SLC25A13: variants seen among roughly 807,000 people sequenced by gnomAD.
SLC25A13 encodes solute carrier family 25 member 13.
In SLC25A13, 70 loss-of-function variants were observed where a neutral mutation model predicts 85.5. The observed-to-expected ratio is 0.82, with a 90% CI of 0.68 to 1.00. The LOEUF is 1.00. Among genes scored for constraint, SLC25A13 ranks in the 50% least tolerant of loss-of-function variants. The pLI, the probability that SLC25A13 is intolerant of heterozygous loss-of-function variation, is 0.00. For missense variants in SLC25A13, 765 were observed against 819.8 expected (o/e 0.93, Z 0.82); for synonymous variants, 259 against 288.7 (o/e 0.90, Z 1.04).
intron 2 of SLC25A13, chr7:96,283,407 G>T (rs1584562333): frequency 7.4e-6 from 3 of 406,630 alleles, no homozygotes; most frequent in East Asian, 1.3e-4. Context: ...TGTTCTGTAG[G>T]CCTTTTAGAA....
intron 4 of SLC25A13, among the ~76,000 whole-genome samples, chr7:96,229,585 T>G (rs1422940070): frequency 6.6e-6 from 1 of 152,164 alleles, no homozygotes; most frequent in Non-Finnish European, 1.5e-5. Context: ...GCATTGCCTT[T>G]ATGAGCTATA....
intron 5 of SLC25A13, among the ~76,000 whole-genome samples, chr7:96,199,989 G>A (rs1562836883): frequency 6.6e-6 from 1 of 151,244 alleles, no homozygotes; most frequent in Non-Finnish European, 1.5e-5. Context: ...AATTTATCAG[G>A]AACAACAACA....
At chr7:96,306,470 T>C (rs1362657997) in intron 1 of SLC25A13, among the ~76,000 whole-genome samples, 1 of 152,252 alleles carries the variant, frequency 6.6e-6, no homozygotes, top group Non-Finnish European at 1.5e-5. Flanking sequence ...TGGCCAGACT[T>C]CTGACCTCTT....
chr7:96,239,061 A>ATG (rs1305455695), intron 3 of SLC25A13, among the ~76,000 whole-genome samples: 7 of 91,266 alleles, frequency 7.7e-5, no homozygotes, highest in African/African-American at 2.0e-4. Context: ...ATATATATAT[A>ATG]TATATATGTA....
intron 3 of SLC25A13, among the ~76,000 whole-genome samples, chr7:96,259,711 T>C (rs1797774333): frequency 6.6e-6 from 1 of 152,198 alleles, no homozygotes; most frequent in South Asian, 2.1e-4. Context: ...ACTGGGTATA[T>C]ACCCAAAGGA....
intron 1 of SLC25A13, among the ~76,000 whole-genome samples, chr7:96,319,556 A>C (rs945316577): frequency 1.3e-5 from 2 of 151,136 alleles, no homozygotes; most frequent in African/African-American, 2.4e-5. Flanking sequence ...AAAAAAAAAA[A>C]AAAAAACTGC....
chr7:96,267,159 T>C (rs1215326543), intron 3 of SLC25A13, among the ~76,000 whole-genome samples: 1 of 152,200 alleles, frequency 6.6e-6, no homozygotes, highest in Admixed American at 6.5e-5. Context: ...TGTTTAAATA[T>C]ATTACCCTAA....
At chr7:96,145,029 T>C (rs1792722801) in intron 14 of SLC25A13, among the ~76,000 whole-genome samples, 1 of 152,166 alleles carries the variant, frequency 6.6e-6, no homozygotes, top group East Asian at 1.9e-4. Context: ...AATTGATCAA[T>C]GCTATGCCTC....
rs1278680282 is a variant in SLC25A13, at chr7:96,120,998, T to C, written c.*193A>G. The C allele has an allele frequency of 9.5e-6, 7 of 738,766 alleles. No individual in the cohort carries two copies. The highest frequency in any genetic ancestry group is 1.6e-5 in the Non-Finnish European group (7 of 424,614). 45.8% of individuals were successfully genotyped at this position (738,766 alleles called of 1,614,324 possible). On this transcript the variant is annotated 3_prime_UTR_variant, in exon 18 of 18. Transcript: ENST00000265631. The stretch of plus-strand genomic sequence containing the variant: ...TTCTGGGCAGAGGGCCAAATAATAA[T>C]TATGAATAATTTCACAATGATCTGG...
chr7:96,208,834 C>A lies in SLC25A13; in HGVS notation c.468+4G>T. 6.2e-7 allele frequency: 1 copy of A among 1,613,820 alleles called. No homozygotes were observed. On this transcript the variant is annotated splice_donor_region_variant and intron_variant, in intron 5 of 17. Coordinates refer to ENST00000265631, the MANE Select transcript of SLC25A13 (RefSeq NM_014251.3). The stretch of plus-strand genomic sequence containing the variant: ...CCTTTTAACTTTTTAAGAGCTAGAC[C>A]CACCAATAAAAACTGAGTAAATTCC...
At chr7:96,126,205 G>A (rs1010501772) in intron 15 of SLC25A13, among the ~76,000 whole-genome samples, 2 of 152,182 alleles carry the variant, frequency 1.3e-5, no homozygotes, top group African/African-American at 4.8e-5. Context: ...CAAGGGGTTA[G>A]GATATGCTGG....
intron 13 of SLC25A13, among the ~76,000 whole-genome samples, chr7:96,155,561 C>A (rs1301828446): frequency 6.6e-6 from 1 of 152,172 alleles, no homozygotes; most frequent in Non-Finnish European, 1.5e-5. Flanking sequence ...CCCATGTCTG[C>A]CCTCTAGATC....
intron 1 of SLC25A13, among the ~76,000 whole-genome samples, chr7:96,307,147 AAAAATAAAG>A (rs1799776758): frequency 6.6e-6 from 1 of 151,848 alleles, no homozygotes; most frequent in Non-Finnish European, 1.5e-5. Flanking sequence ...ATTTAAAAAA[AAAAATAAAG>A]AAAATTAAGA....
intron 13 of SLC25A13, among the ~76,000 whole-genome samples, chr7:96,164,583 T>G (rs1353094822): frequency 6.6e-6 from 1 of 152,204 alleles, no homozygotes; most frequent in Non-Finnish European, 1.5e-5. Flanking sequence ...GATTCACATC[T>G]GGCAGGTGAA....
intron 2 of SLC25A13, chr7:96,283,673 A>G: frequency 3.4e-6 from 1 of 295,762 alleles, no homozygotes; most frequent in Non-Finnish European, 6.6e-6. Context: ...TAGCTTCCTG[A>G]AATGCATGAA....
chr7:96,141,027 T>TG (rs796231097), intron 14 of SLC25A13, among the ~76,000 whole-genome samples: 89 of 149,064 alleles, frequency 6.0e-4, no homozygotes, highest in African/African-American at 2.1e-3. Flanking sequence ...TTCTTTTTTT[T>TG]TTTTTTTTTT....
chr7:96,294,618 A>G (rs941566431), intron 2 of SLC25A13, among the ~76,000 whole-genome samples: 1 of 151,152 alleles, frequency 6.6e-6, no homozygotes, highest in Non-Finnish European at 1.5e-5. Context: ...CAGAAAAAAA[A>G]AAAAAGAAAA....
intron 14 of SLC25A13, 137 bp from the exon 15 acceptor site, chr7:96,132,018 G>T: frequency 9.0e-7 from 1 of 1,116,562 alleles, no homozygotes; most frequent in Non-Finnish European, 1.3e-6. Context: ...AAGGGGAACA[G>T]AAAAAAATAA....
At chr7:96,286,148 G>C (rs1288145989) in intron 2 of SLC25A13, among the ~76,000 whole-genome samples, 1 of 151,970 alleles carries the variant, frequency 6.6e-6, no homozygotes, top group African/African-American at 2.4e-5. Context: ...CCCGGGCATG[G>C]TGGCAGGCGC....
Sources: gnomAD v4.1 joint callset for allele counts (sites outside exome capture counted in the v4.1 genomes callset) on GRCh38, gnomAD v4.1.1 for gene constraint, MANE v1.5 for transcripts, NCBI Gene and HGNC (gene_info 2026-07-23, HGNC 2026-07-21) for gene names.